The following WDFY3 variants were observed in gnomAD, a reference collection of about 807,000 sequenced individuals.
WDFY3 encodes the protein WD repeat and FYVE domain containing 3, also known as WD repeat and FYVE domain-containing protein 3.
Under a neutral mutation model 409.6 loss-of-function variants are expected in WDFY3, and 66 were observed. The ratio of observed to expected loss-of-function variants is 0.16; its 90% confidence interval spans 0.13 to 0.20. The LOEUF is 0.20. WDFY3 is among the 10% of genes least tolerant of loss of function. The pLI is 1.00. For synonymous variants in WDFY3, 1,521 were observed against 1,537.1 expected (o/e 0.99, Z 0.25); for missense variants, 3,031 against 4,298.1 (o/e 0.71, Z 8.24).
chr4:84,885,297 G>A (rs573213343), intron 3 of WDFY3, among the ~76,000 whole-genome samples: 19 of 150,362 alleles, frequency 1.3e-4, no homozygotes, highest in South Asian at 8.5e-4. Context: ...GAGCCACCAC[G>A]CCTGGCAAAT....
At chr4:84,796,139 G>C (rs1749397213) in intron 19 of WDFY3, among the ~76,000 whole-genome samples, 1 of 151,454 alleles carries the variant, frequency 6.6e-6, no homozygotes, top group Non-Finnish European at 1.5e-5. Context: ...TTGTGAACCA[G>C]GCAGTCTCCA....
intron 9 of WDFY3, 93 bp downstream of exon 9, chr4:84,828,911 T>C: frequency 7.7e-7 from 1 of 1,298,398 alleles, no homozygotes; most frequent in Admixed American, 2.8e-5. Flanking sequence ...TTTCCTTAAT[T>C]TGCTTTTCCT....
intron 43 of WDFY3, 45 bp from the exon 44 acceptor site, chr4:84,733,654 T>C (rs1736975433): frequency 6.5e-7 from 1 of 1,539,802 alleles, no homozygotes; most frequent in East Asian, 2.3e-5. Flanking sequence ...AAAGCAGGAG[T>C]AACAGTAACA....
chr4:84,723,709 C>CA (rs1282245569), intron 46 of WDFY3, among the ~76,000 whole-genome samples: 4 of 152,160 alleles, frequency 2.6e-5, no homozygotes, highest in African/African-American at 7.2e-5. Context: ...ACTGCTATAA[C>CA]AGACATGAGC....
At chr4:84,851,727 T>G (rs1247609685) in intron 4 of WDFY3, among the ~76,000 whole-genome samples, 1 of 152,156 alleles carries the variant, frequency 6.6e-6, no homozygotes, top group Admixed American at 6.6e-5. Context: ...AATATATATA[T>G]TTAAGGAAGT....
chr4:84,873,774 T>G (rs188628453), intron 3 of WDFY3, among the ~76,000 whole-genome samples: 67 of 146,260 alleles, frequency 4.6e-4, no homozygotes, highest in African/African-American at 1.7e-3. Flanking sequence ...TTTTTTTGTG[T>G]TTTTTTTTTG....
At chr4:84,733,659 G>A in intron 43 of WDFY3, 50 bp from the exon 44 acceptor site, 4 of 1,520,596 alleles carry the variant, frequency 2.6e-6, no homozygotes, top group Non-Finnish European at 3.6e-6. Context: ...AGGAGTAACA[G>A]TAACAAGTCT....
At chr4:84,790,234 C>T (rs965531006) in intron 21 of WDFY3, among the ~76,000 whole-genome samples, 5 of 152,096 alleles carry the variant, frequency 3.3e-5, no homozygotes, top group Admixed American at 6.6e-5. Context: ...TCTGTAGTTC[C>T]AGCTACTCGG....
chr4:84,903,181 A>G (rs932483347), intron 2 of WDFY3, among the ~76,000 whole-genome samples: 4 of 152,222 alleles, frequency 2.6e-5, no homozygotes, highest in African/African-American at 7.2e-5. Context: ...TGTGGAATAA[A>G]TGTTTTCCCT....
intron 21 of WDFY3, among the ~76,000 whole-genome samples, 168 bp from the exon 22 acceptor site, chr4:84,790,075 C>G (rs1748239427): frequency 2.0e-5 from 3 of 152,038 alleles, no homozygotes; most frequent in Admixed American, 6.6e-5. Context: ...GCGGGTTGGG[C>G]ACGGTGGCTC....
At chr4:84,828,892 A>T in intron 9 of WDFY3, 112 bp downstream of exon 9, 1 of 1,110,938 alleles carries the variant, frequency 9.0e-7, no homozygotes, top group Non-Finnish European at 1.2e-6. Context: ...GGTATACATT[A>T]AATAAGTGTT....
chr4:84,725,239 G>T (rs79222119), intron 45 of WDFY3, among the ~76,000 whole-genome samples: 1 of 152,136 alleles, frequency 6.6e-6, no homozygotes, highest in African/African-American at 2.4e-5. Flanking sequence ...TCTCCAATTT[G>T]CTCATTCTCA....
At chr4:84,890,111 A>AT (rs1474846081) in intron 3 of WDFY3, among the ~76,000 whole-genome samples, 7 of 150,742 alleles carry the variant, frequency 4.6e-5, no homozygotes, top group East Asian at 1.9e-4. Context: ...GCTTTTTTTT[A>AT]TTTTTTTTTA....
chr4:84,807,310 T>C (rs1343827746), intron 15 of WDFY3, among the ~76,000 whole-genome samples: 1 of 152,184 alleles, frequency 6.6e-6, no homozygotes, highest in Non-Finnish European at 1.5e-5. Context: ...TTTAAGACTA[T>C]TCTGAACCAT....
chr4:84,907,338 C>T, intron 2 of WDFY3, among the ~76,000 whole-genome samples: 1 of 152,134 alleles, frequency 6.6e-6, no homozygotes, highest in Admixed American at 6.5e-5. Flanking sequence ...TTATGACTTC[C>T]TTCTTGCTCT....
rs769505975 is a variant in WDFY3, at chr4:84,709,023, A to C, written c.8103T>G (p.Gly2701=). The C allele has an allele frequency of 6.8e-5, 109 of 1,613,438 alleles. No homozygotes were observed. Among genetic ancestry groups the C allele is most frequent in the Non-Finnish European group, 8.9e-5 (105 of 1,179,822 alleles). Residue 2701 remains glycine (G), a synonymous_variant, in exon 53 of 68, where the codon GGT becomes GGG. Transcript: ENST00000295888. ...EKSVTQRWER[G]EISNFQYLMH... ...TCAAATATTGGAAGTTGCTGATTTC[A>C]CCTCTCTGGAAAAAGATAAATATTC...
At chr4:84,809,071 G>T (rs1478355617) in intron 14 of WDFY3, 1 of 152,096 alleles carries the variant, frequency 6.6e-6, no homozygotes, top group Admixed American at 6.5e-5. Flanking sequence ...TAAAACTATG[G>T]TAAGTTAAAA....
intron 51 of WDFY3, among the ~76,000 whole-genome samples, chr4:84,712,876 A>C (rs1210292972): frequency 3.3e-5 from 5 of 152,224 alleles, no homozygotes; most frequent in South Asian, 2.1e-4. Flanking sequence ...TGAATAGAAG[A>C]AGCAGAATAA....
chr4:84,958,430 T>A (rs71597392), intron 1 of WDFY3, among the ~76,000 whole-genome samples: 7,672 of 152,220 alleles, frequency 0.05, 271 homozygotes, highest in Non-Finnish European at 0.075. Flanking sequence ...AGTTTTTTTT[T>A]AAAAAATTCC....
Sources: gnomAD v4.1 joint callset for allele counts (sites outside exome capture counted in the v4.1 genomes callset) on GRCh38, gnomAD v4.1.1 for gene constraint, MANE v1.5 for transcripts, NCBI Gene and HGNC (gene_info 2026-07-23, HGNC 2026-07-21) for gene names.